IGSF21: variants seen among roughly 807,000 people sequenced by gnomAD.
IGSF21 encodes immunoglobulin superfamily member 21.
A neutral mutation model predicts 46.8 loss-of-function variants in IGSF21; 28 were observed. That is an observed-to-expected ratio of 0.60 (90% CI 0.44 to 0.82). IGSF21 has a LOEUF of 0.82. IGSF21 is among the 40% of genes least tolerant of loss of function. The pLI is 0.00. For synonymous variants in IGSF21, 284 were observed against 273.6 expected, an observed-to-expected ratio of 1.04 and a Z score of -0.38; for missense variants, 624 against 665.5, an observed-to-expected ratio of 0.94 and a Z score of 0.69.
At chr1:18,129,653 G>A (rs902000479) in intron 1 of IGSF21, among the ~76,000 whole-genome samples, 14 of 152,226 alleles carry the variant, frequency 9.2e-5, no homozygotes, top group African/African-American at 3.4e-4. Flanking sequence ...CTCAGCAGGT[G>A]CAGTCTCGTA....
chr1:18,311,805 T>G (rs1183090822), intron 3 of IGSF21, among the ~76,000 whole-genome samples: 1 of 152,196 alleles, frequency 6.6e-6, no homozygotes, highest in Non-Finnish European at 1.5e-5. Context: ...GTGAGACTTA[T>G]TCTCTACCAT....
At position 18,337,319 on chromosome 1, in the gene IGSF21, T is replaced by C. The variant is rs758357588; in HGVS notation, c.424+2309T>C. Among the ~76,000 whole-genome samples the C allele has an allele frequency of 6.6e-6, 1 of 152,106 alleles. No homozygotes were observed. Among genetic ancestry groups the C allele is most frequent in the Non-Finnish European group, 1.5e-5 (1 of 67,974 alleles). On this transcript the variant is annotated intron_variant, in intron 4 of 9. Transcript: ENST00000251296. The surrounding 1 kb of genome is among the most constrained non-coding windows in gnomAD (Gnocchi z 5.7). ...TAAAACAGGGATAAGGATGCTTCCC[T>C]CCTAGGGTGGCTGTGAGGCTTAAAG... is the stretch of plus-strand genomic sequence containing the variant.
intron 1 of IGSF21, among the ~76,000 whole-genome samples, chr1:18,199,654 T>G (rs4920456): frequency 0.44 from 66,045 of 151,782 alleles, 14,923 homozygotes; most frequent in Middle Eastern, 0.51. Flanking sequence ...GAGCCCAGAG[T>G]GAGCAGGTGG....
chr1:18,216,577 A>G (rs6676376), intron 1 of IGSF21, among the ~76,000 whole-genome samples: 147,013 of 152,228 alleles, frequency 0.97, 71,191 homozygotes, highest in East Asian at 1. Context: ...AACTGAGGCC[A>G]GATTGGTGCA....
chr1:18,199,904 C>T (rs1165676093), intron 1 of IGSF21, among the ~76,000 whole-genome samples: 1 of 152,110 alleles, frequency 6.6e-6, no homozygotes, highest in East Asian at 1.9e-4. Context: ...CCCCCCCTAC[C>T]CCCGTGAGAA....
At chr1:18,230,755 C>T (rs1378936007) in intron 2 of IGSF21, among the ~76,000 whole-genome samples, 1 of 152,010 alleles carries the variant, frequency 6.6e-6, no homozygotes, top group East Asian at 1.9e-4. Context: ...AAGAGCCTAC[C>T]AAGATGGGGG....
chr1:18,359,371 A>AAAGAAAGAAAGAAAGAAAGAAAGG (rs2086063106), intron 4 of IGSF21, among the ~76,000 whole-genome samples: 2 of 100,594 alleles, frequency 2.0e-5, no homozygotes, highest in African/African-American at 7.6e-5. Flanking sequence ...AGAAAGAAAG[A>AAAGAAAGAAAGAAAGAAAGAAAGG]AAGAAAGAAA....
chr1:18,353,979 G>A (rs939892327), intron 4 of IGSF21, among the ~76,000 whole-genome samples: 7 of 152,222 alleles, frequency 4.6e-5, no homozygotes, highest in Non-Finnish European at 5.9e-5. Flanking sequence ...ATGGCTGGTC[G>A]ACACTAGCTC....
chr1:18,201,642 T>C (rs1250386657), intron 1 of IGSF21, among the ~76,000 whole-genome samples: 1 of 152,066 alleles, frequency 6.6e-6, no homozygotes, highest in African/African-American at 2.4e-5. Context: ...CCACCTGCTC[T>C]CCCTTCTAAG....
chr1:18,334,775 C>A lies in IGSF21; in HGVS notation c.306-117C>A. 1 of 749,460 alleles carries A rather than the reference C, an allele frequency of 1.3e-6. No homozygotes were observed. Among genetic ancestry groups the A allele is most frequent in the Admixed American group, 1.8e-5 (1 of 54,450 alleles). The allele number at this position is 749,460 out of a possible 1,614,324, so 46.4% of individuals were successfully genotyped here. A position where few individuals can be genotyped will look rare whatever the true frequency, so the allele number is the denominator to read the frequency against. On this transcript the variant is annotated intron_variant, in intron 3 of 9. Coordinates refer to ENST00000251296, the MANE Select transcript of IGSF21 (RefSeq NM_032880.5). This position sits in a 1 kb window ranked among gnomAD's most constrained non-coding sequence, Gnocchi z 4.3. ...GCTCCCCTCCTCCCAGCCCAGCACA[C>A]AGGCCTGTGTTTGTTAGTGGAGGCT...
At chr1:18,376,423 G>A (rs376416580) in intron 7 of IGSF21, 28 bp downstream of exon 7, 4 of 1,519,946 alleles carry the variant, frequency 2.6e-6, no homozygotes, top group Non-Finnish European at 3.7e-6. Context: ...CATCTGGGAG[G>A]GTGGTGGGAG....
At position 18,216,042 on chromosome 1, in the gene IGSF21, A is replaced by G. The variant is rs140839128; in HGVS notation, c.71-11856A>G. On this transcript the variant is annotated intron_variant, in intron 1 of 9. Transcript: ENST00000251296. ...GTCTGAGACAGACACACGAAGAACC[A>G]CATGTTATATTACAATGGAATGTGT... Among the ~76,000 whole-genome samples the G allele has an allele frequency of 2.0e-5, 3 of 152,300 alleles. No homozygotes were observed. In the East Asian group the frequency reaches 5.8e-4, roughly 29 times the overall value.
At chr1:18,260,453 G>A (rs1386604762) in intron 2 of IGSF21, among the ~76,000 whole-genome samples, 1 of 152,262 alleles carries the variant, frequency 6.6e-6, no homozygotes, top group Non-Finnish European at 1.5e-5. Context: ...AAGCGGCAGT[G>A]CGCAGCAGCC....
chr1:18,146,397 C>T (rs1049029992), intron 1 of IGSF21, among the ~76,000 whole-genome samples: 37 of 152,224 alleles, frequency 2.4e-4, no homozygotes, highest in Admixed American at 2.4e-3. Flanking sequence ...TGGGCCATGT[C>T]GTTGGCTCAG....
chr1:18,222,385 C>A (rs1460080333), intron 1 of IGSF21, among the ~76,000 whole-genome samples: 1 of 152,196 alleles, frequency 6.6e-6, no homozygotes, highest in Admixed American at 6.5e-5. Flanking sequence ...GTTCTTTCAA[C>A]CTCTACCTTG....
chr1:18,160,015 C>T (rs2086603038), intron 1 of IGSF21, among the ~76,000 whole-genome samples: 1 of 152,182 alleles, frequency 6.6e-6, no homozygotes, highest in Non-Finnish European at 1.5e-5. Context: ...TGAGAACAGA[C>T]TAGTACAGCT....
chr1:18,228,682 G>A (rs1484010886), intron 2 of IGSF21, among the ~76,000 whole-genome samples: 1 of 152,178 alleles, frequency 6.6e-6, no homozygotes, highest in Non-Finnish European at 1.5e-5. Context: ...GGCTCAGAAG[G>A]TCCAGGGGGC....
chr1:18,137,327 A>T (rs1030683910), intron 1 of IGSF21, among the ~76,000 whole-genome samples: 3 of 152,188 alleles, frequency 2.0e-5, no homozygotes, highest in Non-Finnish European at 4.4e-5. Flanking sequence ...ATCACCTTCC[A>T]CCAGACCCCA....
chr1:18,108,154 G>T lies in IGSF21; in HGVS notation c.26G>T (p.Arg9Leu), dbSNP rs1353839722. 1.1e-5 allele frequency: 16 copies of T among 1,443,130 alleles called. No homozygotes were observed. In the Admixed American group the frequency reaches 3.5e-4, roughly 32 times the overall value. 89.4% of individuals were successfully genotyped at this position (1,443,130 alleles called of 1,614,324 possible). MRTAPSLR[R>L]CVCLLLAAIL... ...ATGCGAACCGCCCCGAGCCTCCGCCGCTGCGTCTGCCTGCTGCTCGCCGCG... is the reference window on the plus strand; with the variant it reads ...ATGCGAACCGCCCCGAGCCTCCGCCTCTGCGTCTGCCTGCTGCTCGCCGCG... Residue 9 changes from arginine to leucine, a missense_variant, in exon 1 of 10, where the codon CGC (arginine) becomes CTC (leucine). Transcript: ENST00000251296.
Sources: gnomAD v4.1 joint callset for allele counts (sites outside exome capture counted in the v4.1 genomes callset) on GRCh38, gnomAD v4.1.1 for gene constraint, Gnocchi (gnomAD v3.1) non-coding constraint, MANE v1.5 for transcripts, NCBI Gene and HGNC (gene_info 2026-07-23, HGNC 2026-07-21) for gene names.